The following PCDHGB5 variants were observed in gnomAD, a reference collection of about 807,000 sequenced individuals.
PCDHGB5 encodes protocadherin gamma subfamily B, 5, also known as protocadherin gamma-B5.
A neutral mutation model predicts 62.9 loss-of-function variants in PCDHGB5; 48 were observed. The observed-to-expected ratio is 0.76, with a 90% CI of 0.61 to 0.97. PCDHGB5 has a LOEUF of 0.97. PCDHGB5 is among the 50% of genes least tolerant of loss of function. The pLI is 0.00. For synonymous variants in PCDHGB5, 474 were observed against 511.2 expected, an observed-to-expected ratio of 0.93 and a Z score of 0.98; for missense variants, 1,118 against 1,198.6, an observed-to-expected ratio of 0.93 and a Z score of 0.99.
intron 1 of PCDHGB5, among the ~76,000 whole-genome samples, chr5:141,460,981 G>A (rs35435563): frequency 1.6e-4 from 20 of 121,900 alleles, no homozygotes; most frequent in African/African-American, 3.7e-4. Context: ...GTGTGTGTGT[G>A]TGTATATATA....
intron 1 of PCDHGB5, chr5:141,478,778 C>A: frequency 6.7e-7 from 1 of 1,488,178 alleles, no homozygotes; most frequent in Non-Finnish European, 8.9e-7. Flanking sequence ...ATCTGTGGAC[C>A]TAATTCACAT....
At chr5:141,428,041 TG>T (rs1260865435) in intron 1 of PCDHGB5, 1 of 1,608,448 alleles carries the variant, frequency 6.2e-7, no homozygotes, top group African/African-American at 1.3e-5. Flanking sequence ...GGCTACCTGG[TG>T]ACCAAGGTGG....
At chr5:141,413,775 G>T in intron 1 of PCDHGB5, 1 of 1,612,878 alleles carries the variant, frequency 6.2e-7, no homozygotes, top group South Asian at 1.1e-5. Context: ...AGCTGGTACT[G>T]GAGCACTCCC....
intron 1 of PCDHGB5, among the ~76,000 whole-genome samples, chr5:141,455,997 A>C (rs1373055623): frequency 1.3e-5 from 2 of 151,626 alleles, no homozygotes. Context: ...TCTCGGGTTC[A>C]TGCCATTCTC....
At position 141,414,753 on chromosome 5, in the gene PCDHGB5, T is replaced by C. The variant is rs10041534; in HGVS notation, c.2397+14229T>C. 7.9e-4 allele frequency: 1,273 copies of C among 1,614,202 alleles called. 15 individuals carry two copies. The African/African-American group carries it at 0.015, about 19-fold the overall frequency. ...TGTATGCACTCAGATCCTTCGACTA[T>C]GAGCAGTTTCATGAGCTACAGATGC... On this transcript the variant is annotated intron_variant, in intron 1 of 3. Transcript: ENST00000617380.
Position 141,477,312 on chromosome 5 carries a change from TTACTTC to T in PCDHGB5, c.2398-17493_2398-17488del, listed in dbSNP as rs773034406. Reference sequence around the variant, plus strand: ...GTTCCACCGGGTCTCCCTTTCAGCCTTACTTCTTCCCTCAAGAATTACTTCACTTTG... The same window carrying T: ...GTTCCACCGGGTCTCCCTTTCAGCCTTTCCCTCAAGAATTACTTCACTTTG... On this transcript the variant is annotated intron_variant, in intron 1 of 3. Coordinates refer to ENST00000617380, the MANE Select transcript of PCDHGB5 (RefSeq NM_018925.3). The surrounding 1 kb of genome is among the most constrained non-coding windows in gnomAD (Gnocchi z 4.9). The T allele has an allele frequency of 2.5e-6, 4 of 1,614,162 alleles. No homozygotes were observed. Among genetic ancestry groups the T allele is most frequent in the Non-Finnish European group, 3.4e-6 (4 of 1,180,032 alleles).
In PCDHGB5 at chr5:141,505,435, G is replaced by A. The variant is rs1274195652; in HGVS notation, c.2499G>A (p.Gln833=). The change falls in exon 3 of 4, where the codon CAG becomes CAA. Residue 833 remains glutamine, a synonymous_variant. Transcript: ENST00000617380. ...GDDTGTWPNN[Q]FDTEMLQAMI... is the part of the protein sequence containing the mutation. ...ACACCGGCACCTGGCCCAACAACCA[G>A]TTTGACACAGAGATGCTGCAAGCCA... 1 of 1,614,096 alleles carries A rather than the reference G, an allele frequency of 6.2e-7. No homozygotes were observed. Among genetic ancestry groups the A allele is most frequent in the African/African-American group, 1.3e-5 (1 of 74,936 alleles).
At chr5:141,497,101 G>A (rs1465038195) in intron 2 of PCDHGB5, among the ~76,000 whole-genome samples, 1 of 152,042 alleles carries the variant, frequency 6.6e-6, no homozygotes, top group African/African-American at 2.4e-5. Flanking sequence ...AGGCAGAACT[G>A]CTTGAACCCG....
chr5:141,506,645 A>G (rs1229614297), intron 3 of PCDHGB5, among the ~76,000 whole-genome samples: 3 of 152,188 alleles, frequency 2.0e-5, no homozygotes, highest in African/African-American at 7.2e-5. Context: ...CCCTCAGCAC[A>G]GGATTGGCAG....
Position 141,490,369 on chromosome 5 carries a change from C to T in PCDHGB5, c.2398-4438C>T, listed in dbSNP as rs201347968. On this transcript the variant is annotated intron_variant, in intron 1 of 3. Transcript: ENST00000617380. This position sits in a 1 kb window ranked among gnomAD's most constrained non-coding sequence, Gnocchi z 5.4. ...AGTGGGGTTGTTTAATGTGCGAGAC[C>T]GGGACTCAGGTAGAAATGGTGAAGT... The T allele has an allele frequency of 4.0e-5, 64 of 1,614,090 alleles. No individual in the cohort carries two copies. In the Admixed American group the frequency reaches 6.0e-4, roughly 15 times the overall value.
intron 1 of PCDHGB5, among the ~76,000 whole-genome samples, chr5:141,401,064 C>T (rs146303449): frequency 1.3e-5 from 2 of 152,226 alleles, no homozygotes; most frequent in East Asian, 3.9e-4. Flanking sequence ...TATATGTTGG[C>T]TGGGTGCAGT....
chr5:141,500,384 T>C (rs956708207), intron 2 of PCDHGB5, among the ~76,000 whole-genome samples: 1 of 151,894 alleles, frequency 6.6e-6, no homozygotes, highest in African/African-American at 2.4e-5. Context: ...AATTATTTTG[T>C]ATTTTTAGTA....
At chr5:141,419,946 T>C in intron 1 of PCDHGB5, 1 of 1,614,086 alleles carries the variant, frequency 6.2e-7, no homozygotes, top group Non-Finnish European at 8.5e-7. Context: ...GTGGTGGCCT[T>C]GGCCTTGATT....
At position 141,486,090 on chromosome 5, in the gene PCDHGB5, G is replaced by C. The variant is rs190955361; in HGVS notation, c.2398-8717G>C. On this transcript the variant is annotated intron_variant, in intron 1 of 3. Transcript: ENST00000617380. The surrounding 1 kb of genome is among the most constrained non-coding windows in gnomAD (Gnocchi z 5.0). ...ACTACTGGAAAGCTTACTCTTTTGG[G>C]GCCCCTAGACTTTGAGAGTGAGAAT... 4 of 1,614,086 alleles carry C rather than the reference G, an allele frequency of 2.5e-6. No individual in the cohort carries two copies. The Admixed American group carries it at 6.7e-5, about 27-fold the overall frequency.
At chr5:141,492,822 C>T (rs1241767956) in intron 1 of PCDHGB5, among the ~76,000 whole-genome samples, 1 of 152,238 alleles carries the variant, frequency 6.6e-6, no homozygotes, top group Non-Finnish European at 1.5e-5. Context: ...GCACCAGCGG[C>T]CCCTTCCTCC....
intron 1 of PCDHGB5, among the ~76,000 whole-genome samples, chr5:141,449,708 A>G (rs2098652470): frequency 6.6e-6 from 1 of 151,418 alleles, no homozygotes; most frequent in African/African-American, 2.4e-5. Context: ...CAAACACATT[A>G]TTTTTATATG....
intron 2 of PCDHGB5, among the ~76,000 whole-genome samples, chr5:141,498,112 AG>A (rs947089103): frequency 2.0e-5 from 3 of 152,232 alleles, no homozygotes; most frequent in African/African-American, 7.2e-5. Flanking sequence ...GGCGTATAAT[AG>A]GGATTTGATT....
At chr5:141,462,019 C>T (rs1276421563) in intron 1 of PCDHGB5, among the ~76,000 whole-genome samples, 6 of 152,178 alleles carry the variant, frequency 3.9e-5, no homozygotes, top group Non-Finnish European at 8.8e-5. Flanking sequence ...GACGGGGTTT[C>T]TTCATGTTGG....
chr5:141,474,900 T>C (rs577411783), intron 1 of PCDHGB5, among the ~76,000 whole-genome samples: 2 of 152,368 alleles, frequency 1.3e-5, no homozygotes, highest in South Asian at 2.1e-4. Flanking sequence ...TCATTTCTTG[T>C]TCAAGGATAT....
Sources: gnomAD v4.1 joint callset for allele counts (sites outside exome capture counted in the v4.1 genomes callset) on GRCh38, gnomAD v4.1.1 for gene constraint, Gnocchi (gnomAD v3.1) non-coding constraint, MANE v1.5 for transcripts, NCBI Gene and HGNC (gene_info 2026-07-23, HGNC 2026-07-21) for gene names.